The following BTK variants were observed in gnomAD, a reference collection of about 807,000 sequenced individuals.
BTK encodes the protein Bruton tyrosine kinase.
Under a neutral mutation model 57.4 loss-of-function variants are expected in BTK, and 5 were observed. That is an observed-to-expected ratio of 0.09 (90% CI 0.05 to 0.18). The LOEUF (loss-of-function observed/expected upper bound fraction) is 0.18, where lower values mean the gene tolerates loss of function less well. Ranked by LOEUF, BTK falls within the 10% of genes least tolerant of loss-of-function variation. BTK has a pLI of 1.00. For missense variants in BTK, 194 were observed against 501.2 expected (o/e 0.39, Z 5.85); for synonymous variants, 154 against 174.3 (o/e 0.88, Z 0.92).
intron 1 of BTK, among the ~76,000 whole-genome samples, chrX:101,383,030 A>G (rs903142863): frequency 2.6e-4 from 29 of 111,484 alleles, no homozygotes; most frequent in African/African-American, 9.2e-4. Context: ...AAAATAAAAC[A>G]TGCTTATTGT....
intron 16 of BTK, 120 bp from the exon 17 acceptor site, chrX:101,354,108 C>A (rs1926388036): frequency 1.6e-5 from 9 of 559,286 alleles, no homozygotes; most frequent in Non-Finnish European, 2.5e-5. Context: ...AGTCTCTCCT[C>A]CTCAACTAGT....
chrX:101,378,325 C>T (rs1170964826), intron 1 of BTK, among the ~76,000 whole-genome samples: 1 of 111,247 alleles, frequency 9.0e-6, no homozygotes, highest in Admixed American at 9.5e-5. Flanking sequence ...CTCAGGTGAC[C>T]TGCCTACCTT....
chrX:101,352,727 T>C (rs1276288908), intron 18 of BTK, among the ~76,000 whole-genome samples: 1 of 110,999 alleles, frequency 9.0e-6, no homozygotes, highest in East Asian at 2.8e-4. Context: ...GGTGAAATGC[T>C]GTCTCTACTA....
chrX:101,361,489 C>T (rs1447425264), intron 7 of BTK, among the ~76,000 whole-genome samples: 1 of 93,553 alleles, frequency 1.1e-5, no homozygotes, highest in Non-Finnish European at 2.0e-5. Flanking sequence ...TGAGAAAGGG[C>T]TTTCTAGCCC....
chrX:101,358,214 A>T, intron 12 of BTK, 96 bp downstream of exon 12: 2 of 1,143,496 alleles, frequency 1.7e-6, no homozygotes, highest in Admixed American at 2.2e-5. Context: ...GTGAATTCAC[A>T]CTGTCCTGTG....
At chrX:101,350,089 G>GAAAAAAAAA (rs199950200) in intron 18 of BTK, 133 bp from the exon 19 acceptor site, 2 of 243,695 alleles carry the variant, frequency 8.2e-6, no homozygotes, top group Non-Finnish European at 7.1e-6. Flanking sequence ...ATTACAAAAG[G>GAAAAAAAAA]AAAAAAAAAA....
At chrX:101,380,302 C>A (rs1569297663) in intron 1 of BTK, among the ~76,000 whole-genome samples, 1 of 111,149 alleles carries the variant, frequency 9.0e-6, no homozygotes, top group African/African-American at 3.3e-5. Flanking sequence ...AGACACGGGT[C>A]TCACTTTGTT....
At chrX:101,384,605 CA>C (rs10586954) in intron 1 of BTK, among the ~76,000 whole-genome samples, 39,516 of 83,443 alleles carry the variant, frequency 0.47, 8,087 homozygotes, top group Non-Finnish European at 0.6. Context: ...AACTCCGTGT[CA>C]AAAAAAAAAA....
At chrX:101,357,639 A>C in intron 12 of BTK, 56 bp from the exon 13 acceptor site, 6 of 935,230 alleles carry the variant, frequency 6.4e-6, no homozygotes, top group Non-Finnish European at 9.3e-6. Flanking sequence ...GGGATGCCTC[A>C]CACATCCTCA....
Position 101,384,096 on chromosome X carries a change from T to G in BTK, c.-31+1966A>C, listed in dbSNP as rs148624063. Among the ~76,000 whole-genome samples the G allele has an allele frequency of 9.7e-3, 1,084 of 111,871 alleles. 10 individuals are homozygous for G. The highest frequency in any genetic ancestry group is 0.032 in the African/African-American group (991 of 30,748). On this transcript the variant is annotated intron_variant, in intron 1 of 18. Coordinates refer to ENST00000308731, the MANE Select transcript of BTK (RefSeq NM_000061.3). ...TGTAGAAGGGGGTATCTGATAACTC[T>G]TTGGAGAACGCCCAAACTTTGGTTT...
intron 1 of BTK, among the ~76,000 whole-genome samples, chrX:101,376,397 G>A (rs1024645779): frequency 8.9e-6 from 1 of 112,050 alleles, no homozygotes; most frequent in Non-Finnish European, 1.9e-5. Context: ...GGAGGCCGAG[G>A]CTGGCGGATC....
chrX:101,353,085 AG>A (rs1298040056), intron 18 of BTK, 108 bp downstream of exon 18: 8 of 708,995 alleles, frequency 1.1e-5, no homozygotes, highest in Admixed American at 3.2e-5. Context: ...AAAAAAAAAA[AG>A]GAAAAAAAAG....
chrX:101,354,518 C>T (rs1926400732), intron 16 of BTK, 112 bp downstream of exon 16: 8 of 796,026 alleles, frequency 1.0e-5, no homozygotes, highest in East Asian at 6.3e-5. Context: ...CGGCAGAAAA[C>T]GCTAGAATGA....
At position 101,356,216 on chromosome X, in the gene BTK, G is replaced by A. The variant is rs372089648; in HGVS notation, c.1402C>T (p.Arg468Cys). The A allele has an allele frequency of 8.3e-7, 1 of 1,209,622 alleles. No individual in the cohort carries two copies. Among genetic ancestry groups the A allele is most frequent in the Non-Finnish European group, 1.1e-6 (1 of 895,177 alleles). ...TACTCAGTGATGATGAAGATGGGGC[G>A]CTGCTTGGTGCAGACGCCATACAAC... Reference protein sequence around the residue: ...VQLYGVCTKQRPIFIITEYMA... With the variant: ...VQLYGVCTKQCPIFIITEYMA... Residue 468 changes from arginine to cysteine, a missense_variant, in exon 15 of 19, where the codon CGC becomes TGC. Around this residue, in one of 3 missense-constraint regions of BTK, gnomAD observed 79 missense variants for 217.7 expected, o/e 0.36. Coordinates refer to ENST00000308731, the MANE Select transcript of BTK (RefSeq NM_000061.3).
At chrX:101,368,042 G>C (rs1234797771) in intron 5 of BTK, among the ~76,000 whole-genome samples, 1 of 112,092 alleles carries the variant, frequency 8.9e-6, no homozygotes, top group East Asian at 2.8e-4. Context: ...TTCAGGACAT[G>C]GAGTCTGGGG....
intron 12 of BTK, 171 bp downstream of exon 12, chrX:101,358,139 G>GT: frequency 1.5e-6 from 1 of 688,866 alleles, no homozygotes; most frequent in African/African-American, 2.1e-5. Context: ...CCTGTTGGGT[G>GT]TAGGTCTGCC....
intron 5 of BTK, among the ~76,000 whole-genome samples, chrX:101,366,572 T>C (rs1926856116): frequency 8.9e-6 from 1 of 112,029 alleles, no homozygotes; most frequent in African/African-American, 3.2e-5. Flanking sequence ...TTGTGGCTCC[T>C]AGGCTAACTC....
In BTK at chrX:101,371,697, C is replaced by A. The variant is rs56035945; in HGVS notation, c.245G>T (p.Arg82Ile). ...NPPPERQIPR[R>I]GEESSEMEQI... Reference sequence around the variant, plus strand: ...CTCCATTTCACTGGACTCTTCACCTCTTCTCTGTAATGAAATAAGAAAAAA... The same window carrying A: ...CTCCATTTCACTGGACTCTTCACCTATTCTCTGTAATGAAATAAGAAAAAA... The change falls in exon 4 of 19, where the codon AGA becomes ATA. Residue 82 changes from arginine to isoleucine, a missense_variant. Coordinates refer to ENST00000308731, the MANE Select transcript of BTK (RefSeq NM_000061.3). 7.5e-6 allele frequency: 9 copies of A among 1,203,229 alleles called. No individual in the cohort carries two copies. The highest frequency in any genetic ancestry group is 1.0e-5 in the Non-Finnish European group (9 of 887,659).
rs781867600 is a variant in BTK at position 101,358,111 on chromosome X, C to T, written c.1102+199G>A. ...TTCTCTTAACACTGAACATCAATCA[C>T]CAAATAAAGAGTCAGTCCCTGTTGG... is the stretch of plus-strand genomic sequence containing the variant. On this transcript the variant is annotated intron_variant, in intron 12 of 18. Coordinates refer to ENST00000308731, the MANE Select transcript of BTK (RefSeq NM_000061.3). 17 of 583,949 alleles carry T rather than the reference C, an allele frequency of 2.9e-5. No individual in the cohort carries two copies. In the East Asian group the frequency reaches 5.8e-4, roughly 20 times the overall value. The allele number at this position is 583,949 out of a possible 1,213,427, so 48.1% of individuals were successfully genotyped here.
Sources: gnomAD v4.1 joint callset for allele counts (sites outside exome capture counted in the v4.1 genomes callset) on GRCh38, gnomAD v4.1.1 for gene constraint, gnomAD v4.1.1 regional missense constraint, MANE v1.5 for transcripts, NCBI Gene and HGNC (gene_info 2026-07-23, HGNC 2026-07-21) for gene names.